Variants in GPD2 observed in about 807,000 individuals in gnomAD.
The protein encoded by GPD2 is glycerol-3-phosphate dehydrogenase 2, also known as glycerol-3-phosphate dehydrogenase, mitochondrial.
In GPD2, 54 loss-of-function variants were observed where a neutral mutation model predicts 82.4. That is an observed-to-expected ratio of 0.66 (90% confidence interval 0.53 to 0.82). GPD2 has a LOEUF of 0.82. GPD2 is among the 40% of genes least tolerant of loss of function. The pLI, the probability that GPD2 is intolerant of heterozygous loss-of-function variation, is 0.00. For missense variants in GPD2, 748 were observed against 896.2 expected (o/e 0.83, Z 2.11); for synonymous variants, 288 against 306.1 (o/e 0.94, Z 0.62).
rs763159433 is a variant in GPD2, at chr2:156,571,327, A to G, written c.1767+35A>G. ...AGAAGTCTTTAAAACCACAATTCCTATTGTAAACGCGGAATGGCTTAATTT... is the reference window on the plus strand; with the variant it reads ...AGAAGTCTTTAAAACCACAATTCCTGTTGTAAACGCGGAATGGCTTAATTT... On this transcript the variant is annotated intron_variant, in intron 13 of 16. Transcript: ENST00000438166. The G allele has an allele frequency of 4.5e-6, 6 of 1,332,880 alleles. No individual in the cohort carries two copies. The Admixed American group carries it at 1.1e-4, about 23-fold the overall frequency. The allele number at this position is 1,332,880 out of a possible 1,614,324, so 82.6% of individuals were successfully genotyped here.
chr2:156,411,412 T>G, the GPD2 span, among the ~76,000 whole-genome samples: 1 of 152,108 alleles, frequency 6.6e-6, no homozygotes, highest in Admixed American at 6.6e-5. Context: ...ACCTCCTGAA[T>G]TCAAGCAATT....
At chr2:156,558,537 A>T (rs1475686251) in intron 9 of GPD2, among the ~76,000 whole-genome samples, 1 of 152,138 alleles carries the variant, frequency 6.6e-6, no homozygotes, top group African/African-American at 2.4e-5. Context: ...CACTTTAGAT[A>T]TCTTCTCATT....
At chr2:156,433,125 G>A (rs1391525840), upstream of GPD2, among the ~76,000 whole-genome samples, 1 of 152,146 alleles carries the variant, frequency 6.6e-6, no homozygotes, top group Non-Finnish European at 1.5e-5. Flanking sequence ...CCTACAAGCT[G>A]TCCTTGTTCA....
At chr2:156,576,063 A>C (rs1687811941) in intron 13 of GPD2, among the ~76,000 whole-genome samples, 1 of 152,272 alleles carries the variant, frequency 6.6e-6, no homozygotes, top group South Asian at 2.1e-4. Flanking sequence ...TACATTAGGT[A>C]GAAAAACAAT....
At chr2:156,400,813 G>A in the GPD2 span, among the ~76,000 whole-genome samples, 4 of 152,276 alleles carry the variant, frequency 2.6e-5, no homozygotes, top group East Asian at 1.9e-4. Flanking sequence ...CATGTGTGAG[G>A]TCCCGGGTTC....
intron 9 of GPD2, 151 bp downstream of exon 9, chr2:156,557,733 A>C: frequency 8.8e-6 from 6 of 678,628 alleles, no homozygotes; most frequent in Non-Finnish European, 1.6e-5. Flanking sequence ...GCCAAATTTT[A>C]ACATAATGGG....
chr2:156,579,557 C>A, intron 15 of GPD2, 133 bp from the exon 16 acceptor site: 1 of 649,540 alleles, frequency 1.5e-6, no homozygotes, highest in Non-Finnish European at 2.8e-6. Context: ...GTCTCGAACT[C>A]CTGACCTCAA....
intron 1 of GPD2, among the ~76,000 whole-genome samples, chr2:156,475,215 G>T (rs1683463919): frequency 6.6e-6 from 1 of 152,166 alleles, no homozygotes; most frequent in African/African-American, 2.4e-5. Flanking sequence ...ATGCAACTCT[G>T]GCTAGAAGAA....
chr2:156,424,538 T>C, the GPD2 span, among the ~76,000 whole-genome samples: 1 of 151,992 alleles, frequency 6.6e-6, no homozygotes, highest in East Asian at 1.9e-4. Flanking sequence ...AAGAAGAAAA[T>C]CAAGGATAAA....
chr2:156,497,196 T>C (rs938099044), intron 3 of GPD2, among the ~76,000 whole-genome samples: 2 of 152,180 alleles, frequency 1.3e-5, no homozygotes, highest in Non-Finnish European at 2.9e-5. Context: ...ACTTAATTTG[T>C]CTAAGGTTCC....
chr2:156,560,817 C>T (rs1687139081), intron 9 of GPD2, among the ~76,000 whole-genome samples: 2 of 152,082 alleles, frequency 1.3e-5, no homozygotes. Flanking sequence ...GCTTTAGCCA[C>T]CATTCAGTTA....
At chr2:156,430,642 A>T (rs900644295), upstream of GPD2, among the ~76,000 whole-genome samples, 1 of 152,240 alleles carries the variant, frequency 6.6e-6, no homozygotes, top group Non-Finnish European at 1.5e-5. Context: ...TTTGTTTCTT[A>T]GAAAATGAAA....
At chr2:156,524,367 C>T (rs1268687363) in intron 6 of GPD2, among the ~76,000 whole-genome samples, 1 of 152,180 alleles carries the variant, frequency 6.6e-6, no homozygotes, top group Non-Finnish European at 1.5e-5. Context: ...TGGATGGGCT[C>T]AGCTGGGTGG....
chr2:156,556,062 T>G (rs1360202838), intron 8 of GPD2, among the ~76,000 whole-genome samples: 1 of 152,206 alleles, frequency 6.6e-6, no homozygotes, highest in Non-Finnish European at 1.5e-5. Context: ...TGTTTCTTTT[T>G]TTATATAAAA....
chr2:156,530,026 G>T, intron 6 of GPD2, among the ~76,000 whole-genome samples: 1 of 150,748 alleles, frequency 6.6e-6, no homozygotes, highest in Admixed American at 6.6e-5. Flanking sequence ...AAATTACCTT[G>T]GGCAGTATGG....
At chr2:156,564,531 G>C (rs1294331646) in intron 9 of GPD2, among the ~76,000 whole-genome samples, 1 of 152,076 alleles carries the variant, frequency 6.6e-6, no homozygotes, top group Non-Finnish European at 1.5e-5. Context: ...GTGCCCCTTA[G>C]ACATGGATTA....
chr2:156,566,003 A>G (rs1209226242), intron 9 of GPD2, among the ~76,000 whole-genome samples: 2 of 152,078 alleles, frequency 1.3e-5, no homozygotes, highest in Non-Finnish European at 2.9e-5. Flanking sequence ...CCAAGGGTTG[A>G]GTGGAAACTG....
intron 1 of GPD2, among the ~76,000 whole-genome samples, chr2:156,437,008 C>T (rs747075927): frequency 1.3e-5 from 2 of 152,166 alleles, no homozygotes; most frequent in Non-Finnish European, 2.9e-5. Context: ...GCAAAGAGTG[C>T]TTTGGCAGGA....
intron 3 of GPD2, among the ~76,000 whole-genome samples, chr2:156,505,958 C>G (rs1184136009): frequency 6.6e-6 from 1 of 152,146 alleles, no homozygotes; most frequent in Non-Finnish European, 1.5e-5. Context: ...GATTAGATAA[C>G]AGAACCACAG....
Sources: allele counts gnomAD v4.1 joint callset (sites outside exome capture counted in the v4.1 genomes callset), GRCh38; gene constraint gnomAD v4.1.1; transcripts MANE v1.5; gene names NCBI Gene and HGNC (gene_info 2026-07-23, HGNC 2026-07-21).